Variants in ABHD13 observed in about 807,000 individuals in gnomAD.
The protein encoded by ABHD13 is abhydrolase domain containing 13.
A neutral mutation model predicts 25.2 loss-of-function variants in ABHD13; 7 were observed. The ratio of observed to expected loss-of-function variants is 0.28; its 90% CI spans 0.16 to 0.52. The LOEUF is 0.52. ABHD13 is among the 20% of genes least tolerant of loss of function. The pLI, the probability that ABHD13 is intolerant of heterozygous loss-of-function variation, is 0.96. For missense variants in ABHD13, 302 were observed against 402.7 expected (o/e 0.75, Z 2.14); for synonymous variants, 133 against 136.1 (o/e 0.98, Z 0.16).
chr13:108,221,493 C>T (rs898071968), intron 1 of ABHD13, among the ~76,000 whole-genome samples: 3 of 152,174 alleles, frequency 2.0e-5, no homozygotes, highest in African/African-American at 4.8e-5. Flanking sequence ...TCCTCATTCT[C>T]TGCTGGGATG....
At chr13:108,218,768 C>G (rs552257176) in intron 1 of ABHD13, 109 bp downstream of exon 1, 7 of 151,436 alleles carry the variant, frequency 4.6e-5, no homozygotes, top group African/African-American at 1.5e-4. Flanking sequence ...CGAAACCCTC[C>G]CGGGAGGCTG....
chr13:108,233,338 T>C lies in ABHD13; in HGVS notation c.*3106T>C, dbSNP rs1217585351. 1 of 166,898 alleles carries C rather than the reference T, an allele frequency of 6.0e-6. No individual in the cohort carries two copies. The highest frequency in any genetic ancestry group is 1.9e-4 in the East Asian group (1 of 5,202). The allele number at this position is 166,898 out of a possible 1,614,324, so 10.3% of individuals were successfully genotyped here. ...GCCATATTTCATTTTTTATAAATTA[T>C]CTTTCAAGCTCAGATAGCTTAAGAG... On this transcript the variant is annotated 3_prime_UTR_variant, in exon 2 of 2. Transcript: ENST00000375898.
At chr13:108,220,142 A>C (rs930696803) in intron 1 of ABHD13, among the ~76,000 whole-genome samples, 1 of 152,232 alleles carries the variant, frequency 6.6e-6, no homozygotes, top group Non-Finnish European at 1.5e-5. Flanking sequence ...GTGAGTTGGC[A>C]AAAGCTACCT....
chr13:108,225,595 A>G (rs1879656425), intron 1 of ABHD13, among the ~76,000 whole-genome samples: 1 of 152,208 alleles, frequency 6.6e-6, no homozygotes. Flanking sequence ...GAAGTCAGTC[A>G]GCAAGTTCTC....
At chr13:108,218,712 C>G (rs532648425) in intron 1 of ABHD13, 53 bp downstream of exon 1, 6 of 151,510 alleles carry the variant, frequency 4.0e-5, no homozygotes, top group African/African-American at 1.2e-4. Context: ...CCGGTCCGCT[C>G]CTTCTAGGAG....
At chr13:108,225,258 C>G (rs1879650502) in intron 1 of ABHD13, among the ~76,000 whole-genome samples, 1 of 152,116 alleles carries the variant, frequency 6.6e-6, no homozygotes, top group African/African-American at 2.4e-5. Flanking sequence ...AGTGAAGCAT[C>G]AGGTACGTGA....
At chr13:108,219,016 C>T (rs1252085931) in intron 1 of ABHD13, among the ~76,000 whole-genome samples, 2 of 152,142 alleles carry the variant, frequency 1.3e-5, no homozygotes, top group African/African-American at 2.4e-5. Context: ...TCTTAGTGTT[C>T]TATGTCAATT....
At position 108,229,375 on chromosome 13, in the gene ABHD13, A is replaced by G. The variant is rs1739314321; in HGVS notation, c.157A>G (p.Ile53Val). Residue 53 changes from isoleucine to valine, a missense_variant, in exon 2 of 2, where the codon ATA becomes GTA. Transcript: ENST00000375898. The surrounding 1 kb of genome is among the most constrained non-coding windows in gnomAD (Gnocchi z 4.7). ...CTTACTTTTGTTAATATTCATATCA[A>G]TAGCAGGTATTCTGTATAAATTCCA... Reference protein sequence around the residue: ...IILLLLIFISIAGILYKFQDV... With the variant: ...IILLLLIFISVAGILYKFQDV... The G allele has an allele frequency of 2.5e-6, 4 of 1,612,828 alleles. No individual in the cohort carries two copies. Among genetic ancestry groups the G allele is most frequent in the Middle Eastern group, 1.7e-4 (1 of 6,054 alleles).
chr13:108,233,372 A>T lies in ABHD13; in HGVS notation c.*3140A>T, dbSNP rs1313336460. The T allele has an allele frequency of 6.0e-6, 1 of 166,874 alleles. No homozygotes were observed. Among genetic ancestry groups the T allele is most frequent in the African/African-American group, 2.4e-5 (1 of 41,444 alleles). The allele number at this position is 166,874 out of a possible 1,614,324, so 10.3% of individuals were successfully genotyped here. ...CTCAGATAGCTTAAGAGCAGTTTAT[A>T]TTAAGGAGACCCTTTTCTCCTTGAG... is the stretch of plus-strand genomic sequence containing the variant. On this transcript the variant is annotated 3_prime_UTR_variant, in exon 2 of 2. Coordinates refer to ENST00000375898, the MANE Select transcript of ABHD13 (RefSeq NM_032859.3).
chr13:108,226,415 C>T (rs2139011970), intron 1 of ABHD13, among the ~76,000 whole-genome samples: 1 of 152,272 alleles, frequency 6.6e-6, no homozygotes, highest in African/African-American at 2.4e-5. Flanking sequence ...TAGCCCTGCT[C>T]ACTGTCCTCT....
rs764951650 is a variant in ABHD13 at position 108,229,979 on chromosome 13, C to T, written c.761C>T (p.Ser254Phe). ...KNKFLSYRKI[S>F]QCRMPSLFIS... ...AAATTTTTGTCCTACAGAAAAATCT[C>T]TCAGTGTAGAATGCCTTCACTTTTC... Residue 254 changes from serine (S) to phenylalanine (F), a missense_variant, in exon 2 of 2, where the codon TCT (serine) becomes TTT (phenylalanine). Transcript: ENST00000375898. The surrounding 1 kb of genome is among the most constrained non-coding windows in gnomAD (Gnocchi z 4.7). 3 of 1,613,122 alleles carry T rather than the reference C, an allele frequency of 1.9e-6. No homozygotes were observed. Among genetic ancestry groups the T allele is most frequent in the African/African-American group, 2.7e-5 (2 of 74,858 alleles).
At position 108,232,922 on chromosome 13, in the gene ABHD13, C is replaced by G. The variant is rs1240562538; in HGVS notation, c.*2690C>G. 2.4e-5 allele frequency: 4 copies of G among 166,780 alleles called. No homozygotes were observed. The Admixed American group carries it at 2.6e-4, about 11-fold the overall frequency. 10.3% of individuals were successfully genotyped at this position (166,780 alleles called of 1,614,324 possible). A position where few individuals can be genotyped will look rare whatever the true frequency, so the allele number is the denominator to read the frequency against. Reference sequence around the variant, plus strand: ...AACAACTAGAAAGGAAAGTGTGACACAGTTTTTAAATTTAGATGTAGAAAA... The same window carrying G: ...AACAACTAGAAAGGAAAGTGTGACAGAGTTTTTAAATTTAGATGTAGAAAA... On this transcript the variant is annotated 3_prime_UTR_variant, in exon 2 of 2. Coordinates refer to ENST00000375898, the MANE Select transcript of ABHD13 (RefSeq NM_032859.3).
intron 1 of ABHD13, among the ~76,000 whole-genome samples, chr13:108,222,222 T>C (rs1879583566): frequency 6.6e-6 from 1 of 152,182 alleles, no homozygotes; most frequent in Non-Finnish European, 1.5e-5. Context: ...TAAAATACAA[T>C]TTTTATTGTA....
chr13:108,219,890 C>G (rs1879516374), intron 1 of ABHD13, among the ~76,000 whole-genome samples: 1 of 152,116 alleles, frequency 6.6e-6, no homozygotes, highest in African/African-American at 2.4e-5. Context: ...GCTCTGATTA[C>G]TTCCTGTGTT....
chr13:108,224,723 A>C (rs1384165719), intron 1 of ABHD13, among the ~76,000 whole-genome samples: 1 of 152,044 alleles, frequency 6.6e-6, no homozygotes, highest in Admixed American at 6.6e-5. Context: ...TTTATTGTAT[A>C]CCCGTCATGG....
In ABHD13 at chr13:108,231,317, C is replaced by G. The variant is rs1879799490; in HGVS notation, c.*1085C>G. On this transcript the variant is annotated 3_prime_UTR_variant, in exon 2 of 2. Coordinates refer to ENST00000375898, the MANE Select transcript of ABHD13 (RefSeq NM_032859.3). ...AAACAATGTTCTTGGTTTTAATGTT[C>G]CAGTTGCTGTGAAATAGAACTCCTA... 1.2e-5 allele frequency: 2 copies of G among 166,628 alleles called. No individual in the cohort carries two copies. Among genetic ancestry groups the G allele is most frequent in the Admixed American group, 1.3e-4 (2 of 15,216 alleles). The allele number at this position is 166,628 out of a possible 1,614,324, so 10.3% of individuals were successfully genotyped here. A position where few individuals can be genotyped will look rare whatever the true frequency, so the allele number is the denominator to read the frequency against.
At chr13:108,219,305 A>G (rs981792344) in intron 1 of ABHD13, among the ~76,000 whole-genome samples, 1 of 152,194 alleles carries the variant, frequency 6.6e-6, no homozygotes, top group Non-Finnish European at 1.5e-5. Flanking sequence ...ATGAATTACT[A>G]GTATTACTAC....
rs1879739920 is a variant in ABHD13 at position 108,229,278 on chromosome 13, A to G, written c.60A>G (p.Ser20=). The change falls in exon 2 of 2, where the codon TCA becomes TCG. Residue 20 remains serine (S), a synonymous_variant. Coordinates refer to ENST00000375898, the MANE Select transcript of ABHD13 (RefSeq NM_032859.3). This position sits in a 1 kb window ranked among gnomAD's most constrained non-coding sequence, Gnocchi z 4.7. ...AAAGATGGCTAATAGCCTTGGCTTC[A>G]TGGTCTTGGGCTCTCTGCCGTATTT... ...FVERWLIALA[S]WSWALCRISL... is the part of the protein sequence containing the mutation. 2 of 1,596,870 alleles carry G rather than the reference A, an allele frequency of 1.3e-6. No individual in the cohort carries two copies. Among genetic ancestry groups the G allele is most frequent in the South Asian group, 1.1e-5 (1 of 87,470 alleles).
At chr13:108,225,634 C>T (rs534438486) in intron 1 of ABHD13, among the ~76,000 whole-genome samples, 45 of 152,150 alleles carry the variant, frequency 3.0e-4, no homozygotes, top group Non-Finnish European at 5.9e-4. Context: ...GAGTTACTGG[C>T]GGTGGTTAAA....
Sources: gnomAD v4.1 joint callset for allele counts (sites outside exome capture counted in the v4.1 genomes callset) on GRCh38, gnomAD v4.1.1 for gene constraint, Gnocchi (gnomAD v3.1) non-coding constraint, MANE v1.5 for transcripts, NCBI Gene and HGNC (gene_info 2026-07-23, HGNC 2026-07-21) for gene names.